Variants in PARP8 observed in about 807,000 individuals in gnomAD.
PARP8 encodes protein mono-ADP-ribosyltransferase PARP8.
PARP8 carries 51 observed loss-of-function variants against 124.1 expected under a neutral mutation model. That is an observed-to-expected ratio of 0.41 (90% CI 0.33 to 0.52). The LOEUF is 0.52. Among genes scored for constraint, PARP8 ranks in the 20% least tolerant of loss-of-function variants. The pLI is 0.21. For synonymous variants in PARP8, 391 were observed against 361.5 expected (o/e 1.08, Z -0.93); for missense variants, 860 against 1,018.9 (o/e 0.84, Z 2.12).
intron 2 of PARP8, among the ~76,000 whole-genome samples, chr5:50,730,316 ATTGACTCACAG>A (rs779853604): frequency 1.5e-3 from 222 of 152,286 alleles, no homozygotes; most frequent in Non-Finnish European, 2.1e-3. Context: ...AAGAGGTTTA[ATTGACTCACAG>A]TTCAACAGGC....
At chr5:50,713,407 A>G (rs928719941) in intron 2 of PARP8, among the ~76,000 whole-genome samples, 1 of 151,816 alleles carries the variant, frequency 6.6e-6, no homozygotes, top group African/African-American at 2.4e-5. Context: ...TGCCTGGCTA[A>G]TTTTGGTATT....
chr5:50,757,355 G>A (rs1760080325), intron 3 of PARP8: 1 of 314,966 alleles, frequency 3.2e-6, no homozygotes, highest in Non-Finnish European at 6.4e-6. Context: ...TGAATTCAGA[G>A]TGAAGTGAAT....
rs1023264188 is a variant in PARP8, at chr5:50,743,647, C to A, written c.147-6504C>A. 2.0e-5 allele frequency among the ~76,000 whole-genome samples: 3 copies of A among 152,020 alleles called. No individual in the cohort carries two copies. In the East Asian group the frequency reaches 5.8e-4, roughly 29 times the overall value. On this transcript the variant is annotated intron_variant, in intron 2 of 25. Coordinates refer to ENST00000281631, the MANE Select transcript of PARP8 (RefSeq NM_024615.4). Reference sequence around the variant, plus strand: ...CAAGTGAACAAAGACTGAGACCTAACCAGGCACGATGGCTCAAATCTGTAA... The same window carrying A: ...CAAGTGAACAAAGACTGAGACCTAAACAGGCACGATGGCTCAAATCTGTAA...
intron 2 of PARP8, among the ~76,000 whole-genome samples, chr5:50,702,419 C>T (rs1166422724): frequency 1.3e-5 from 2 of 152,108 alleles, no homozygotes; most frequent in Non-Finnish European, 2.9e-5. Context: ...TAATCTCACA[C>T]CTGCCTGGAG....
chr5:50,671,061 C>T lies in PARP8; in HGVS notation c.146+2936C>T, dbSNP rs536553571. Among the ~76,000 whole-genome samples the T allele has an allele frequency of 5.3e-5, 8 of 152,316 alleles. No homozygotes were observed. In the East Asian group the frequency reaches 1.5e-3, roughly 29 times the overall value. ...CAGGTTCAGAGCCTTCCCAGTACTGCCTTCTTATTTGAGAGGTGTGCTAAG... is the reference window on the plus strand; with the variant it reads ...CAGGTTCAGAGCCTTCCCAGTACTGTCTTCTTATTTGAGAGGTGTGCTAAG... On this transcript the variant is annotated intron_variant, in intron 2 of 25. Transcript: ENST00000281631.
At chr5:50,693,828 T>TTATTAATTTA (rs1459642386) in intron 2 of PARP8, among the ~76,000 whole-genome samples, 3 of 151,472 alleles carry the variant, frequency 2.0e-5, no homozygotes, top group Non-Finnish European at 4.4e-5. Flanking sequence ...ATACAATCAA[T>TTATTAATTTA]TATTAATTTA....
chr5:50,706,444 A>G (rs1259016072), intron 2 of PARP8, among the ~76,000 whole-genome samples: 1 of 152,110 alleles, frequency 6.6e-6, no homozygotes, highest in African/African-American at 2.4e-5. Flanking sequence ...CCATTTGACC[A>G]TAGCTGGAGC....
chr5:50,712,626 TATA>T (rs1460865181), intron 2 of PARP8, among the ~76,000 whole-genome samples: 1 of 152,058 alleles, frequency 6.6e-6, no homozygotes, highest in African/African-American at 2.4e-5. Context: ...CCACCCTGAA[TATA>T]GAAGAGTCCC....
At chr5:50,699,259 CAGCACTGGAGTATGGAAAGG>C (rs918088145) in intron 2 of PARP8, among the ~76,000 whole-genome samples, 3 of 152,168 alleles carry the variant, frequency 2.0e-5, no homozygotes, top group African/African-American at 7.2e-5. Context: ...GAAGGGCCTC[CAGCACTGGAGTATGGAAAGG>C]AGCACTGGGT....
chr5:50,813,674 T>G (rs1294984791), intron 14 of PARP8, among the ~76,000 whole-genome samples: 2 of 152,158 alleles, frequency 1.3e-5, no homozygotes, highest in Non-Finnish European at 2.9e-5. Flanking sequence ...TTGTGCCAGT[T>G]TTCAAAGGGA....
chr5:50,822,551 C>T, intron 17 of PARP8, 151 bp downstream of exon 17: 1 of 598,384 alleles, frequency 1.7e-6, no homozygotes, highest in Non-Finnish European at 3.0e-6. Context: ...AGTGTACTAG[C>T]ATGTAACACT....
intron 16 of PARP8, among the ~76,000 whole-genome samples, chr5:50,822,045 G>A (rs972190673): frequency 1.3e-5 from 2 of 152,142 alleles, no homozygotes; most frequent in African/African-American, 4.8e-5. Flanking sequence ...TAGTGTTTTA[G>A]TGGTGAAAGC....
At chr5:50,829,260 A>G (rs1746684092) in intron 21 of PARP8, among the ~76,000 whole-genome samples, 1 of 152,156 alleles carries the variant, frequency 6.6e-6, no homozygotes, top group Non-Finnish European at 1.5e-5. Flanking sequence ...ATCTGACAGC[A>G]TAAGGACATA....
At chr5:50,799,369 T>C (rs1742931352) in intron 14 of PARP8, among the ~76,000 whole-genome samples, 1 of 152,216 alleles carries the variant, frequency 6.6e-6, no homozygotes, top group Non-Finnish European at 1.5e-5. Flanking sequence ...GAAAATTATT[T>C]GACTATAGAT....
At chr5:50,812,653 C>T (rs1239914009) in intron 14 of PARP8, among the ~76,000 whole-genome samples, 5 of 152,104 alleles carry the variant, frequency 3.3e-5, no homozygotes, top group Non-Finnish European at 7.4e-5. Context: ...GTGTTTTAGA[C>T]ATGAAGTCCT....
At chr5:50,840,640 G>A (rs1748078880) in intron 25 of PARP8, among the ~76,000 whole-genome samples, 1 of 151,774 alleles carries the variant, frequency 6.6e-6, no homozygotes, top group Admixed American at 6.6e-5. Context: ...CTTGAACGGG[G>A]CTGAAATCAT....
At chr5:50,770,119 C>T (rs1761453987) in intron 7 of PARP8, among the ~76,000 whole-genome samples, 1 of 151,942 alleles carries the variant, frequency 6.6e-6, no homozygotes, top group Admixed American at 6.6e-5. Context: ...ATTTTTGTAT[C>T]GACTCCTTCA....
intron 2 of PARP8, among the ~76,000 whole-genome samples, chr5:50,699,939 A>T (rs1356250105): frequency 2.0e-5 from 3 of 152,300 alleles, no homozygotes; most frequent in Middle Eastern, 3.4e-3. Context: ...CTGGATGAGT[A>T]AAAGTTCCAT....
At chr5:50,750,835 A>G (rs1025330650) in intron 3 of PARP8, among the ~76,000 whole-genome samples, 2 of 152,174 alleles carry the variant, frequency 1.3e-5, no homozygotes, top group African/African-American at 4.8e-5. Flanking sequence ...GTTATTCATT[A>G]AGGCTATGCC....
Sources: gnomAD v4.1 joint callset for allele counts (sites outside exome capture counted in the v4.1 genomes callset) on GRCh38, gnomAD v4.1.1 for gene constraint, MANE v1.5 for transcripts, NCBI Gene and HGNC (gene_info 2026-07-23, HGNC 2026-07-21) for gene names.